Variants in FRMD5 observed in about 807,000 individuals in gnomAD.
The protein encoded by FRMD5 is FERM domain containing 5, also known as FERM domain-containing protein 5.
FRMD5 carries 20 observed loss-of-function variants against 69.0 expected under a neutral mutation model. That is an observed-to-expected ratio of 0.29 (90% CI 0.20 to 0.42). The LOEUF is 0.42. FRMD5 is among the 10% of genes least tolerant of loss of function. The pLI is 1.00. For missense variants in FRMD5, 595 were observed against 708.6 expected (o/e 0.84, Z 1.82); for synonymous variants, 271 against 260.1 (o/e 1.04, Z -0.40).
chr15:44,133,621 A>C (rs2077138079), intron 1 of FRMD5, among the ~76,000 whole-genome samples: 1 of 151,432 alleles, frequency 6.6e-6, no homozygotes, highest in African/African-American at 2.4e-5. Context: ...ATTCTTAACT[A>C]TGTCTGTGAG....
At chr15:44,117,035 G>T (rs1595482544) in intron 1 of FRMD5, among the ~76,000 whole-genome samples, 1 of 151,986 alleles carries the variant, frequency 6.6e-6, no homozygotes, top group African/African-American at 2.4e-5. Flanking sequence ...AACCCGGGAG[G>T]CAGAGGTTGC....
At chr15:44,146,043 GGTTT>G (rs2077350349) in intron 1 of FRMD5, among the ~76,000 whole-genome samples, 1 of 152,090 alleles carries the variant, frequency 6.6e-6, no homozygotes, top group Non-Finnish European at 1.5e-5. Context: ...AGGACATGCA[GGTTT>G]GTTACATAGG....
At chr15:44,117,224 T>C (rs1407525761) in intron 1 of FRMD5, among the ~76,000 whole-genome samples, 1 of 152,180 alleles carries the variant, frequency 6.6e-6, no homozygotes, top group Non-Finnish European at 1.5e-5. Context: ...CTTTGGACTA[T>C]CCACTTTCCC....
intron 1 of FRMD5, among the ~76,000 whole-genome samples, chr15:44,174,233 GA>G (rs1401212190): frequency 1.3e-5 from 2 of 151,564 alleles, no homozygotes; most frequent in Admixed American, 1.3e-4. Flanking sequence ...GTAATTTCTA[GA>G]AAAACCTCAA....
At chr15:44,091,338 A>G (rs2076469478) in intron 1 of FRMD5, among the ~76,000 whole-genome samples, 1 of 152,128 alleles carries the variant, frequency 6.6e-6, no homozygotes, top group African/African-American at 2.4e-5. Context: ...CCTGATATAT[A>G]TAGATATATA....
At chr15:43,989,453 G>A (rs774856934) in intron 1 of FRMD5, 39 of 800,450 alleles carry the variant, frequency 4.9e-5, no homozygotes, top group East Asian at 1.2e-4. Flanking sequence ...TGACCTGGCC[G>A]TCGGGCAGCT....
intron 1 of FRMD5, among the ~76,000 whole-genome samples, chr15:44,144,859 T>C (rs2077332195): frequency 6.6e-6 from 1 of 152,216 alleles, no homozygotes; most frequent in South Asian, 2.1e-4. Context: ...GCTTGTTCCC[T>C]TTCTGTAGCA....
At chr15:44,091,729 T>G (rs897698229) in intron 1 of FRMD5, among the ~76,000 whole-genome samples, 1 of 152,310 alleles carries the variant, frequency 6.6e-6, no homozygotes, top group African/African-American at 2.4e-5. Flanking sequence ...TTTTTTTTAT[T>G]GAGAAAAGAA....
At chr15:44,011,371 C>G (rs1411093680) in intron 1 of FRMD5, among the ~76,000 whole-genome samples, 1 of 152,070 alleles carries the variant, frequency 6.6e-6, no homozygotes, top group Non-Finnish European at 1.5e-5. Context: ...TCAACAGGTC[C>G]AGGCAACTAA....
intron 1 of FRMD5, among the ~76,000 whole-genome samples, chr15:43,964,539 G>A (rs1238247199): frequency 6.6e-6 from 1 of 151,460 alleles, no homozygotes; most frequent in Non-Finnish European, 1.5e-5. Context: ...AAAAATGAGT[G>A]CTCATAATGA....
chr15:44,107,021 C>A (rs2076729640), intron 1 of FRMD5, among the ~76,000 whole-genome samples: 1 of 152,132 alleles, frequency 6.6e-6, no homozygotes, highest in Non-Finnish European at 1.5e-5. Context: ...TAATAAATAA[C>A]CCTTAGCATT....
intron 1 of FRMD5, among the ~76,000 whole-genome samples, chr15:44,128,393 C>T (rs2077052749): frequency 6.6e-6 from 1 of 152,272 alleles, no homozygotes; most frequent in Middle Eastern, 3.4e-3. Flanking sequence ...GGCAGAATCA[C>T]TTGAACCTGG....
Position 43,873,817 on chromosome 15 carries a change from C to T in FRMD5, c.*68G>A, listed in dbSNP as rs2140326731. ...GTGCCGATGGTTCCGCGATGGGTCC[C>T]ATTGCTGGGAATGGGTAGCCGGGTT... On this transcript the variant is annotated 3_prime_UTR_variant, in exon 14 of 14. Coordinates refer to ENST00000417257, the MANE Select transcript of FRMD5 (RefSeq NM_032892.5). The T allele has an allele frequency of 6.3e-7, 1 of 1,585,698 alleles. No homozygotes were observed. The highest frequency in any genetic ancestry group is 8.6e-7 in the Non-Finnish European group (1 of 1,165,494).
intron 1 of FRMD5, among the ~76,000 whole-genome samples, chr15:43,949,981 A>G (rs973572401): frequency 7.9e-5 from 12 of 152,212 alleles, no homozygotes; most frequent in African/African-American, 2.9e-4. Context: ...TCAGGCAGCC[A>G]GGAGCTCTGG....
intron 1 of FRMD5, among the ~76,000 whole-genome samples, chr15:44,114,635 T>C (rs906229016): frequency 5.9e-5 from 9 of 152,222 alleles, no homozygotes; most frequent in African/African-American, 2.2e-4. Context: ...TGCTTCCAGG[T>C]TATAATGCCA....
At chr15:44,180,008 G>C (rs1323835656) in intron 1 of FRMD5, among the ~76,000 whole-genome samples, 8 of 133,436 alleles carry the variant, frequency 6.0e-5, no homozygotes, top group Admixed American at 8.5e-5. Flanking sequence ...CCTGTGAACA[G>C]ACACTGCATT....
intron 1 of FRMD5, among the ~76,000 whole-genome samples, chr15:43,945,294 C>T (rs527863023): frequency 2.6e-5 from 4 of 152,128 alleles, no homozygotes; most frequent in African/African-American, 9.6e-5. Context: ...AGAGTTGGTT[C>T]AATAGGAAGT....
chr15:43,876,260 TTGAACTC>T, intron 13 of FRMD5: 10 of 1,522,260 alleles, frequency 6.6e-6, no homozygotes, highest in South Asian at 1.2e-5. Context: ...AAGCTTGTTG[TTGAACTC>T]TGAACTCTGG....
intron 1 of FRMD5, among the ~76,000 whole-genome samples, chr15:44,124,571 C>T (rs922417913): frequency 4.6e-5 from 7 of 151,586 alleles, no homozygotes; most frequent in Non-Finnish European, 8.8e-5. Context: ...TGGTGGCACG[C>T]GCCTGTAGTC....
Sources: gnomAD v4.1 joint callset for allele counts (sites outside exome capture counted in the v4.1 genomes callset) on GRCh38, gnomAD v4.1.1 for gene constraint, MANE v1.5 for transcripts, NCBI Gene and HGNC (gene_info 2026-07-23, HGNC 2026-07-21) for gene names.